The following GABRB1 variants were observed in gnomAD, a reference collection of about 807,000 sequenced individuals.
GABRB1 encodes gamma-aminobutyric acid type A receptor subunit beta1.
A neutral mutation model predicts 51.6 loss-of-function variants in GABRB1; 17 were observed. That is an observed-to-expected ratio of 0.33 (90% confidence interval 0.23 to 0.49). GABRB1 has a LOEUF of 0.49. GABRB1 is among the 20% of genes least tolerant of loss of function. GABRB1 has a pLI of 0.99. For missense variants in GABRB1, 410 were observed against 600.6 expected (o/e 0.68, Z 3.32); for synonymous variants, 247 against 218.9 (o/e 1.13, Z -1.14).
intron 1 of GABRB1, among the ~76,000 whole-genome samples, chr4:47,025,724 C>G (rs533471136): frequency 6.6e-6 from 1 of 151,990 alleles, no homozygotes; most frequent in South Asian, 2.1e-4. Flanking sequence ...TTTTCCCAAA[C>G]AAATCCCCAG....
At chr4:47,176,786 C>A (rs185044017) in intron 4 of GABRB1, among the ~76,000 whole-genome samples, 13 of 152,042 alleles carry the variant, frequency 8.6e-5, no homozygotes, top group African/African-American at 3.1e-4. Flanking sequence ...AGCCTTGGAC[C>A]ATTCATTCTT....
intron 4 of GABRB1, among the ~76,000 whole-genome samples, chr4:47,191,502 G>T (rs10938477): frequency 0.86 from 130,835 of 152,046 alleles, 56,307 homozygotes; most frequent in Middle Eastern, 0.92. Context: ...CATGGATTAT[G>T]GTACAGAGAT....
At position 47,350,186 on chromosome 4, in the gene GABRB1, TATATATATA is replaced by T. The variant is rs1726259709; in HGVS notation, c.544+29978_544+29986del. Among the ~76,000 whole-genome samples the T allele has an allele frequency of 1.7e-4, 8 of 46,056 alleles. No homozygotes were observed. In the South Asian group the frequency reaches 4.0e-3, roughly 23 times the overall value. 30.2% of individuals were successfully genotyped at this position (46,056 alleles called of 152,430 possible). A position where few individuals can be genotyped will look rare whatever the true frequency, so the allele number is the denominator to read the frequency against. ...AATATTTCCTCTTGGGCTCAGATTA[TATATATATA>T]TATATATATATATATATATATATAG... On this transcript the variant is annotated intron_variant, in intron 5 of 8. Coordinates refer to ENST00000295454, the MANE Select transcript of GABRB1 (RefSeq NM_000812.4).
intron 4 of GABRB1, among the ~76,000 whole-genome samples, chr4:47,224,201 G>A (rs780276150): frequency 7.2e-5 from 11 of 152,114 alleles, no homozygotes; most frequent in African/African-American, 2.4e-4. Context: ...CAACTGCAAA[G>A]AACCCTTCCA....
At chr4:47,078,735 T>C (rs1470890950) in intron 3 of GABRB1, among the ~76,000 whole-genome samples, 1 of 152,208 alleles carries the variant, frequency 6.6e-6, no homozygotes, top group Admixed American at 6.5e-5. Flanking sequence ...TCCTGGTTCT[T>C]GCCATTTAAT....
intron 3 of GABRB1, among the ~76,000 whole-genome samples, chr4:47,123,852 TATC>T (rs1715973565): frequency 1.2e-5 from 1 of 86,254 alleles, no homozygotes; most frequent in African/African-American, 4.7e-5. Flanking sequence ...ATATATATTA[TATC>T]ATATATATGA....
intron 3 of GABRB1, among the ~76,000 whole-genome samples, chr4:47,058,074 G>A (rs1004964513): frequency 2.0e-5 from 3 of 152,144 alleles, no homozygotes; most frequent in Admixed American, 6.5e-5. Context: ...ACCTGAAGAG[G>A]CTGCACAGAG....
At chr4:47,344,591 T>C (rs1726020078) in intron 5 of GABRB1, among the ~76,000 whole-genome samples, 1 of 152,208 alleles carries the variant, frequency 6.6e-6, no homozygotes, top group Non-Finnish European at 1.5e-5. Flanking sequence ...CAGCAATGAA[T>C]ATCAACACAA....
chr4:47,060,785 C>T (rs1247507331), intron 3 of GABRB1, among the ~76,000 whole-genome samples: 4 of 152,088 alleles, frequency 2.6e-5, no homozygotes, highest in African/African-American at 7.2e-5. Context: ...TCATGAAAGC[C>T]ACACAAGAAA....
chr4:47,273,512 G>A (rs1488040327), intron 4 of GABRB1, among the ~76,000 whole-genome samples: 1 of 152,124 alleles, frequency 6.6e-6, no homozygotes, highest in African/African-American at 2.4e-5. Flanking sequence ...GGAGAGGATT[G>A]TTCTGGGCAC....
intron 3 of GABRB1, among the ~76,000 whole-genome samples, chr4:47,107,390 C>G (rs1218297944): frequency 6.6e-6 from 1 of 152,004 alleles, no homozygotes; most frequent in Non-Finnish European, 1.5e-5. Context: ...TAATTACTTT[C>G]CTCTGGACAA....
intron 5 of GABRB1, among the ~76,000 whole-genome samples, chr4:47,392,218 T>C (rs1728022177): frequency 6.6e-6 from 1 of 152,094 alleles, no homozygotes; most frequent in African/African-American, 2.4e-5. Context: ...CTGTCCTAGT[T>C]GTTTATGGAA....
In GABRB1 at chr4:47,241,866, TATC is replaced by T. The variant is rs1021720507; in HGVS notation, c.462-78258_462-78256del. 2.2e-4 allele frequency among the ~76,000 whole-genome samples: 33 copies of T among 152,238 alleles called. No individual in the cohort carries two copies. In the East Asian group the frequency reaches 3.9e-3, roughly 18 times the overall value. ...AGGCAAATTCATTAAAGGTTTTTTTTATCATTTCTTTTTATTTTTTATTTTTAT... is the reference window on the plus strand; with the variant it reads ...AGGCAAATTCATTAAAGGTTTTTTTTATTTCTTTTTATTTTTTATTTTTAT... On this transcript the variant is annotated intron_variant, in intron 4 of 8. Coordinates refer to ENST00000295454, the MANE Select transcript of GABRB1 (RefSeq NM_000812.4).
At chr4:47,116,415 A>G (rs1297497497) in intron 3 of GABRB1, among the ~76,000 whole-genome samples, 6 of 152,170 alleles carry the variant, frequency 3.9e-5, no homozygotes, top group Non-Finnish European at 8.8e-5. Flanking sequence ...AAAGATGTGT[A>G]AAAACCATTT....
At chr4:47,391,047 G>A (rs535142474) in intron 5 of GABRB1, among the ~76,000 whole-genome samples, 4 of 152,194 alleles carry the variant, frequency 2.6e-5, no homozygotes, top group South Asian at 2.1e-4. Flanking sequence ...GTGGTGGCAC[G>A]TGCCTGTAAT....
At chr4:47,311,908 A>AT (rs1227864409) in intron 4 of GABRB1, among the ~76,000 whole-genome samples, 1 of 152,088 alleles carries the variant, frequency 6.6e-6, no homozygotes, top group African/African-American at 2.4e-5. Context: ...GGCTTTCCAA[A>AT]GGGCTTATGT....
intron 4 of GABRB1, among the ~76,000 whole-genome samples, chr4:47,295,353 A>C (rs1436723903): frequency 6.6e-6 from 1 of 152,184 alleles, no homozygotes; most frequent in Non-Finnish European, 1.5e-5. Context: ...GAAGTTAAAA[A>C]CTTTGAAAAA....
intron 4 of GABRB1, among the ~76,000 whole-genome samples, chr4:47,220,182 C>T (rs1720715156): frequency 6.6e-6 from 1 of 151,910 alleles, no homozygotes; most frequent in South Asian, 2.1e-4. Flanking sequence ...ATAAATATTT[C>T]CCAACCGCTT....
chr4:47,069,125 G>C (rs919591310), intron 3 of GABRB1, among the ~76,000 whole-genome samples: 1 of 152,146 alleles, frequency 6.6e-6, no homozygotes, highest in Admixed American at 6.5e-5. Flanking sequence ...ACTGAACCAG[G>C]ATGCTTGGCA....
Sources: allele counts gnomAD v4.1 joint callset (sites outside exome capture counted in the v4.1 genomes callset), GRCh38; gene constraint gnomAD v4.1.1; transcripts MANE v1.5; gene names NCBI Gene and HGNC (gene_info 2026-07-23, HGNC 2026-07-21).